The following TTC39B variants were observed in gnomAD, a reference collection of about 807,000 sequenced individuals.
TTC39B encodes tetratricopeptide repeat protein 39B.
TTC39B carries 92 observed loss-of-function variants against 96.6 expected under a neutral mutation model. The ratio of observed to expected loss-of-function variants is 0.95; its 90% CI spans 0.80 to 1.13. The LOEUF (loss-of-function observed/expected upper bound fraction) is 1.13. TTC39B is among the 50% of genes most tolerant of loss of function. The pLI is 0.00. For missense variants in TTC39B, 955 were observed against 809.3 expected (o/e 1.18, Z -2.18); for synonymous variants, 367 against 299.4 (o/e 1.23, Z -2.33).
intron 16 of TTC39B, among the ~76,000 whole-genome samples, chr9:15,184,806 T>G (rs977959855): frequency 4.6e-5 from 7 of 152,214 alleles, no homozygotes; most frequent in African/African-American, 1.7e-4. Context: ...ATGGATAAGC[T>G]TCTATTAATT....
At chr9:15,164,010 G>C (rs1241718624) in exon 20 of TTC39B, 1 of 152,140 alleles carries the variant, frequency 6.6e-6, no homozygotes, top group Non-Finnish European at 1.5e-5. Flanking sequence ...AAAAATATCA[G>C]AGGTTCACAG....
At chr9:15,238,863 G>C (rs1821908019) in intron 2 of TTC39B, among the ~76,000 whole-genome samples, 1 of 152,184 alleles carries the variant, frequency 6.6e-6, no homozygotes, top group Non-Finnish European at 1.5e-5. Context: ...TCACATGCCT[G>C]TAGTCCTAGC....
At chr9:15,197,853 G>GA (rs111331711) in intron 8 of TTC39B, among the ~76,000 whole-genome samples, 2 of 150,950 alleles carry the variant, frequency 1.3e-5, no homozygotes, top group Non-Finnish European at 3.0e-5. Flanking sequence ...CTGAAAGAAG[G>GA]AAAAAAAACC....
chr9:15,265,133 T>C (rs1823084609), intron 2 of TTC39B, among the ~76,000 whole-genome samples: 1 of 152,220 alleles, frequency 6.6e-6, no homozygotes, highest in Non-Finnish European at 1.5e-5. Context: ...GGAATCTAAA[T>C]TAACTTCAGC....
rs1035565187 is a variant in TTC39B, at chr9:15,214,305, G to C, written c.372-56C>G. 5 of 1,301,876 alleles carry C rather than the reference G, an allele frequency of 3.8e-6. No individual in the cohort carries two copies. The African/African-American group carries it at 7.5e-5, about 20-fold the overall frequency. 80.6% of individuals were successfully genotyped at this position (1,301,876 alleles called of 1,614,324 possible). On this transcript the variant is annotated intron_variant, in intron 3 of 19. Coordinates refer to ENST00000512701, the Ensembl canonical transcript of TTC39B. Reference sequence around the variant, plus strand: ...TCTATAGCTTTACGATCAGCAAGTTGTCCGAAGGGAGTGTGTGTGTGTGTG... The same window carrying C: ...TCTATAGCTTTACGATCAGCAAGTTCTCCGAAGGGAGTGTGTGTGTGTGTG...
exon 20 of TTC39B, chr9:15,165,443 G>A (rs904047828): frequency 2.0e-5 from 3 of 152,158 alleles, no homozygotes; most frequent in Admixed American, 1.3e-4. Context: ...GACTTAAAAT[G>A]TCTACATGAT....
intron 4 of TTC39B, among the ~76,000 whole-genome samples, chr9:15,212,822 G>C (rs1820285825): frequency 1.3e-5 from 2 of 152,134 alleles, no homozygotes; most frequent in African/African-American, 4.8e-5. Context: ...CAGTGGCAGA[G>C]AAAGACTCGT....
At chr9:15,279,892 CTTTTTTTTTTTT>C (rs1164750793) in intron 1 of TTC39B, among the ~76,000 whole-genome samples, 1 of 101,818 alleles carries the variant, frequency 9.8e-6, no homozygotes, top group Admixed American at 1.0e-4. Context: ...TTTTTCTTTT[CTTTTTTTTTTTT>C]TTTTTTTTTG....
At chr9:15,167,867 C>A (rs1469378558) in exon 20 of TTC39B, 2 of 152,134 alleles carry the variant, frequency 1.3e-5, no homozygotes, top group Non-Finnish European at 2.9e-5. Context: ...AAATTAAAAT[C>A]ATCATCTCAA....
chr9:15,172,222 A>G (rs4401972), intron 19 of TTC39B, 113 bp from the exon 20 acceptor site: 56,453 of 613,028 alleles, frequency 0.092, 2,922 homozygotes, highest in Non-Finnish European at 0.11. Context: ...TCTAATATAC[A>G]TAACCGTAGA....
intron 2 of TTC39B, among the ~76,000 whole-genome samples, chr9:15,259,688 A>G (rs1436912814): frequency 6.6e-6 from 1 of 152,190 alleles, no homozygotes; most frequent in Non-Finnish European, 1.5e-5. Flanking sequence ...TTCCAACATT[A>G]TGATGGGTTT....
At chr9:15,285,194 G>A (rs1001459865) in intron 1 of TTC39B, among the ~76,000 whole-genome samples, 1 of 151,748 alleles carries the variant, frequency 6.6e-6, no homozygotes, top group Non-Finnish European at 1.5e-5. Flanking sequence ...GCGTGAACCC[G>A]GGAGGCGGAG....
intron 10 of TTC39B, 110 bp from the exon 11 acceptor site, chr9:15,190,772 T>G: frequency 1.1e-6 from 1 of 870,722 alleles, no homozygotes. Context: ...AGATTTCATA[T>G]ATTACGCTGT....
intron 16 of TTC39B, 142 bp from the exon 17 acceptor site, chr9:15,182,557 G>T: frequency 1.9e-6 from 1 of 515,208 alleles, no homozygotes; most frequent in South Asian, 3.5e-5. Context: ...CTTTGCTTTT[G>T]CCTTTTATAC....
intron 3 of TTC39B, among the ~76,000 whole-genome samples, chr9:15,225,193 A>G (rs892528959): frequency 1.3e-5 from 2 of 152,208 alleles, no homozygotes; most frequent in African/African-American, 4.8e-5. Context: ...GGAAGGGGAA[A>G]ATATCACGAT....
At chr9:15,249,215 A>G (rs1199092448) in intron 2 of TTC39B, 1 of 152,228 alleles carries the variant, frequency 6.6e-6, no homozygotes, top group Non-Finnish European at 1.5e-5. Context: ...GGACACGATG[A>G]CTAAGGACAG....
chr9:15,203,768 T>A, intron 7 of TTC39B, 55 bp downstream of exon 7: 1 of 1,455,364 alleles, frequency 6.9e-7, no homozygotes, highest in Non-Finnish European at 9.5e-7. Context: ...CATTTTTCTA[T>A]GCAGCACTGG....
chr9:15,192,480 C>G (rs898525877), intron 9 of TTC39B, 110 bp downstream of exon 9: 1 of 805,530 alleles, frequency 1.2e-6, no homozygotes. Context: ...AGCTGTTTGT[C>G]AACCAACCCA....
At chr9:15,245,293 T>C (rs1037583241) in intron 2 of TTC39B, among the ~76,000 whole-genome samples, 6 of 152,172 alleles carry the variant, frequency 3.9e-5, no homozygotes, top group Non-Finnish European at 8.8e-5. Context: ...TCAGTAGATA[T>C]AAGGGCTCTC....
Sources: gnomAD v4.1 joint callset for allele counts (sites outside exome capture counted in the v4.1 genomes callset) on GRCh38, gnomAD v4.1.1 for gene constraint, MANE v1.5 for transcripts, NCBI Gene and HGNC (gene_info 2026-07-23, HGNC 2026-07-21) for gene names.